The following TBC1D30 variants were observed in gnomAD, a reference collection of about 807,000 sequenced individuals.
TBC1D30 encodes the protein TBC1 domain family member 30, also known as TBC1 domain family, member 30.
TBC1D30 carries 31 observed loss-of-function variants against 63.2 expected under a neutral mutation model. The observed-to-expected ratio is 0.49, with a 90% confidence interval of 0.37 to 0.66. The LOEUF (loss-of-function observed/expected upper bound fraction) is 0.66. Ranked by LOEUF, TBC1D30 falls within the 30% of genes least tolerant of loss-of-function variation. The probability of loss-of-function intolerance (pLI) is 0.00; values close to 1 mark genes in which losing one functional copy is unlikely to be tolerated. For synonymous variants in TBC1D30, 307 were observed against 361.5 expected (o/e 0.85, Z 1.71); for missense variants, 810 against 953.6 (o/e 0.85, Z 1.98).
intron 2 of TBC1D30, among the ~76,000 whole-genome samples, chr12:64,795,949 GAATTT>G (rs1248822642): frequency 6.6e-6 from 1 of 151,816 alleles, no homozygotes. Flanking sequence ...GCAAAATTGT[GAATTT>G]AATTACAAAT....
intron 8 of TBC1D30, among the ~76,000 whole-genome samples, chr12:64,856,713 G>GT (rs1334202912): frequency 1.3e-5 from 2 of 152,044 alleles, no homozygotes; most frequent in Non-Finnish European, 2.9e-5. Context: ...TGTGTCTAGA[G>GT]TTTTTTTCTG....
At chr12:64,803,787 T>C (rs1872715714) in intron 2 of TBC1D30, among the ~76,000 whole-genome samples, 1 of 152,232 alleles carries the variant, frequency 6.6e-6, no homozygotes, top group African/African-American at 2.4e-5. Flanking sequence ...TTTGTCAGGT[T>C]TGTCAAAGAT....
At chr12:64,761,090 G>A (rs73323494) in intron 1 of TBC1D30, among the ~76,000 whole-genome samples, 73 of 152,244 alleles carry the variant, frequency 4.8e-4, no homozygotes, top group African/African-American at 1.6e-3. Flanking sequence ...GCAGTTCCTA[G>A]ACAACCAGAA....
At chr12:64,815,683 T>A (rs1873481807) in intron 2 of TBC1D30, among the ~76,000 whole-genome samples, 1 of 152,234 alleles carries the variant, frequency 6.6e-6, no homozygotes, top group African/African-American at 2.4e-5. Context: ...TAAACTTTCA[T>A]ATTTCAGATG....
At chr12:64,823,609 GA>G (rs1269585917), upstream of TBC1D30, among the ~76,000 whole-genome samples, 1 of 152,090 alleles carries the variant, frequency 6.6e-6, no homozygotes, top group African/African-American at 2.4e-5. Context: ...ATACAGGTGT[GA>G]GCCACCGTGC....
intron 2 of TBC1D30, among the ~76,000 whole-genome samples, chr12:64,789,800 C>G (rs1186393486): frequency 6.6e-6 from 1 of 152,006 alleles, no homozygotes; most frequent in Non-Finnish European, 1.5e-5. Context: ...TATATTTAAC[C>G]ATTTAAGGAT....
chr12:64,869,305 C>A (rs1037618123), intron 10 of TBC1D30, among the ~76,000 whole-genome samples: 1 of 152,206 alleles, frequency 6.6e-6, no homozygotes, highest in African/African-American at 2.4e-5. Context: ...GTGGCAGCAG[C>A]TGCTGCTACT....
At chr12:64,802,363 G>A (rs185391156) in intron 2 of TBC1D30, among the ~76,000 whole-genome samples, 2 of 152,018 alleles carry the variant, frequency 1.3e-5, no homozygotes, top group Non-Finnish European at 2.9e-5. Flanking sequence ...GAAAAGGGTC[G>A]CCCACATTTT....
At chr12:64,841,778 A>G (rs1875896731) in intron 7 of TBC1D30, among the ~76,000 whole-genome samples, 1 of 152,050 alleles carries the variant, frequency 6.6e-6, no homozygotes, top group Admixed American at 6.5e-5. Flanking sequence ...CTCAAGCATT[A>G]TTTCTCTTCC....
In TBC1D30 at chr12:64,791,599, A is replaced by G. The variant is rs572011400; in HGVS notation, c.643+5554A>G. On this transcript the variant is annotated intron_variant, in intron 2 of 12. Transcript: ENST00000542120. ...GTGTGATCACAGTTCATTGCAACCT[A>G]TGCCTCCTGGGCCCAAGTGATTCTC... Among the ~76,000 whole-genome samples the G allele has an allele frequency of 1.1e-3, 161 of 152,110 alleles. 1 individual carries two copies. Among genetic ancestry groups the G allele is most frequent in the African/African-American group, 3.7e-3 (152 of 41,490 alleles).
At chr12:64,781,350 G>C (rs1165816560) in intron 1 of TBC1D30, 18 of 1,041,334 alleles carry the variant, frequency 1.7e-5, no homozygotes, top group Non-Finnish European at 2.0e-5. Context: ...CGCCGTCTCT[G>C]CCCGCGCTCC....
At chr12:64,767,864 G>A (rs1054113597) in intron 1 of TBC1D30, among the ~76,000 whole-genome samples, 1 of 151,042 alleles carries the variant, frequency 6.6e-6, no homozygotes, top group South Asian at 2.1e-4. Flanking sequence ...ATTTTTAGAG[G>A]TCCTGGCGTG....
At chr12:64,763,404 G>C (rs528750965) in intron 1 of TBC1D30, among the ~76,000 whole-genome samples, 5 of 152,224 alleles carry the variant, frequency 3.3e-5, no homozygotes, top group Admixed American at 2.6e-4. Context: ...AGATATAATT[G>C]ACAACAAAAT....
upstream of TBC1D30, among the ~76,000 whole-genome samples, chr12:64,821,826 C>T (rs1873906428): frequency 6.6e-6 from 1 of 152,234 alleles, no homozygotes; most frequent in East Asian, 1.9e-4. Context: ...CCGGAGCTCG[C>T]AGCAAAAGGT....
At chr12:64,842,675 A>G (rs1388508824) in intron 7 of TBC1D30, among the ~76,000 whole-genome samples, 1 of 152,212 alleles carries the variant, frequency 6.6e-6, no homozygotes, top group African/African-American at 2.4e-5. Flanking sequence ...TTTTAAATCT[A>G]TTATATTAAT....
At position 64,866,976 on chromosome 12, in the gene TBC1D30, A is replaced by T. The variant is rs894534631; in HGVS notation, c.1291+73A>T. 8.1e-6 allele frequency: 12 copies of T among 1,475,512 alleles called. No individual in the cohort carries two copies. The African/African-American group carries it at 1.5e-4, about 19-fold the overall frequency. The allele number at this position is 1,475,512 out of a possible 1,614,324, so 91.4% of individuals were successfully genotyped here. A position where few individuals can be genotyped will look rare whatever the true frequency, so the allele number is the denominator to read the frequency against. On this transcript the variant is annotated intron_variant, in intron 10 of 11. Transcript: ENST00000539867. Reference sequence around the variant, plus strand: ...TACAATAAGAGTGATATTGTGTCCTATAGATGCCCCAGTAACTTTCTGAAC... The same window carrying T: ...TACAATAAGAGTGATATTGTGTCCTTTAGATGCCCCAGTAACTTTCTGAAC...
chr12:64,769,576 C>T (rs959371750), intron 1 of TBC1D30, among the ~76,000 whole-genome samples: 2 of 147,076 alleles, frequency 1.4e-5, no homozygotes, highest in African/African-American at 2.5e-5. Flanking sequence ...TTAGTAGAGA[C>T]GGGGTTTCAC....
chr12:64,772,570 C>G (rs937493086), intron 1 of TBC1D30, among the ~76,000 whole-genome samples: 6 of 152,120 alleles, frequency 3.9e-5, no homozygotes, highest in African/African-American at 1.2e-4. Flanking sequence ...GCTGGGATTA[C>G]AGGCGCCTGC....
intron 2 of TBC1D30, among the ~76,000 whole-genome samples, chr12:64,811,126 T>A (rs1451955036): frequency 6.6e-6 from 1 of 152,246 alleles, no homozygotes; most frequent in East Asian, 1.9e-4. Context: ...ACATCTGAAA[T>A]GTTGACTCAC....
Sources: gnomAD v4.1 joint callset for allele counts (sites outside exome capture counted in the v4.1 genomes callset) on GRCh38, gnomAD v4.1.1 for gene constraint, MANE v1.5 for transcripts, NCBI Gene and HGNC (gene_info 2026-07-23, HGNC 2026-07-21) for gene names.